Variants in CD109 observed in about 807,000 individuals in gnomAD.
CD109 encodes the protein CD109 molecule, also known as CD109 antigen.
Under a neutral mutation model 165.8 loss-of-function variants are expected in CD109, and 149 were observed. The observed-to-expected ratio is 0.90, with a 90% CI of 0.79 to 1.03. The LOEUF (loss-of-function observed/expected upper bound fraction) is 1.03, where lower values mean the gene tolerates loss of function less well. CD109 is among the 50% of genes least tolerant of loss of function. The pLI is 0.00. For missense variants in CD109, 1,712 were observed against 1,677.8 expected, an observed-to-expected ratio of 1.02 and a Z score of -0.36; for synonymous variants, 585 against 592.1, an observed-to-expected ratio of 0.99 and a Z score of 0.18.
chr6:73,806,726 A>AT (rs1365936424), intron 24 of CD109, 118 bp from the exon 25 acceptor site: 7 of 668,510 alleles, frequency 1.0e-5, no homozygotes, highest in Non-Finnish European at 1.7e-5. Context: ...ATCTTCAGTG[A>AT]TTCCCCCTTT....
chr6:73,785,401 T>A lies in CD109; in HGVS notation c.2261T>A (p.Leu754His). 6.2e-7 allele frequency: 1 copy of A among 1,608,256 alleles called. No individual in the cohort carries two copies. The change falls in exon 20 of 33, where the codon CTT (leucine) becomes CAT (histidine). Residue 754 changes from leucine to histidine, a missense_variant. Leu to His is a moderately conservative substitution (Grantham distance 99, BLOSUM62 -3). Coordinates refer to ENST00000287097, the MANE Select transcript of CD109 (RefSeq NM_133493.5). The part of the protein sequence containing the change: ...AFQPFFIFLN[L>H]PYSVIRGEEF... Reference sequence around the variant, plus strand: ...CAACCATTTTTCATTTTTTTGAATCTTCCCTACTCTGTTATCAGAGGTGAA... The same window carrying A: ...CAACCATTTTTCATTTTTTTGAATCATCCCTACTCTGTTATCAGAGGTGAA...
upstream of CD109, chr6:73,694,940 G>A (rs1770766900): frequency 6.6e-6 from 1 of 152,240 alleles, no homozygotes; most frequent in African/African-American, 2.4e-5. Flanking sequence ...CTGAAGGAAA[G>A]GACATAAGGA....
At chr6:73,807,959 C>A in intron 25 of CD109, 124 bp from the exon 26 acceptor site, 1 of 734,284 alleles carries the variant, frequency 1.4e-6, no homozygotes, top group Admixed American at 3.0e-5. Flanking sequence ...TTGCCTAGTA[C>A]AAGGTCAGGT....
At chr6:73,710,864 C>A (rs1771509517) in intron 2 of CD109, among the ~76,000 whole-genome samples, 2 of 152,184 alleles carry the variant, frequency 1.3e-5, no homozygotes, top group Admixed American at 1.3e-4. Context: ...TCAACTCTGC[C>A]TTTATAGCTC....
intron 5 of CD109, among the ~76,000 whole-genome samples, chr6:73,737,270 A>T (rs1263839376): frequency 6.6e-6 from 1 of 152,176 alleles, no homozygotes; most frequent in Non-Finnish European, 1.5e-5. Context: ...AAATGCATGA[A>T]ATTGTAGCTT....
At chr6:73,798,218 G>A (rs556329505) in intron 23 of CD109, among the ~76,000 whole-genome samples, 11 of 151,692 alleles carry the variant, frequency 7.3e-5, no homozygotes, top group African/African-American at 2.7e-4. Flanking sequence ...AGGTTCAAGC[G>A]ATTCTCCTGC....
In CD109 at chr6:73,806,114, A is replaced by G. The variant is rs577059170; in HGVS notation, c.2961-730A>G. 3.2e-4 allele frequency among the ~76,000 whole-genome samples: 49 copies of G among 152,312 alleles called. No individual in the cohort carries two copies. In the South Asian group the frequency reaches 8.7e-3, roughly 27 times the overall value. On this transcript the variant is annotated intron_variant, in intron 24 of 32. Transcript: ENST00000287097. Reference sequence around the variant, plus strand: ...ATAGCAAAGACTTGGAACCAGCCCAAATGTCCATCAATGATAGACTGGATT... The same window carrying G: ...ATAGCAAAGACTTGGAACCAGCCCAGATGTCCATCAATGATAGACTGGATT...
At chr6:73,807,212 T>C (rs1775598914) in intron 25 of CD109, 140 bp downstream of exon 25, 8 of 650,298 alleles carry the variant, frequency 1.2e-5, no homozygotes, top group Non-Finnish European at 2.1e-5. Context: ...ACTCTTTTGC[T>C]TTGCATTTGT....
intron 2 of CD109, among the ~76,000 whole-genome samples, chr6:73,712,332 C>A (rs866510366): frequency 1.4e-4 from 22 of 152,174 alleles, no homozygotes; most frequent in South Asian, 2.1e-4. Flanking sequence ...AATTTAGTAA[C>A]TTGATAAAGA....
At chr6:73,723,345 A>G in intron 3 of CD109, 66 bp downstream of exon 3, 4 of 1,159,012 alleles carry the variant, frequency 3.5e-6, no homozygotes, top group Non-Finnish European at 5.1e-6. Flanking sequence ...ATAAATTAAT[A>G]TTTTATTGGA....
intron 17 of CD109, 107 bp downstream of exon 17, chr6:73,781,426 AT>A (rs1426248433): frequency 8.4e-6 from 8 of 947,900 alleles, no homozygotes; most frequent in African/African-American, 1.7e-5. Flanking sequence ...TGTGATTTTC[AT>A]TTTTTTGTTC....
At chr6:73,743,109 G>T (rs1361742935) in intron 5 of CD109, among the ~76,000 whole-genome samples, 2 of 152,112 alleles carry the variant, frequency 1.3e-5, no homozygotes, top group East Asian at 3.9e-4. Flanking sequence ...TACCTTTTTA[G>T]GTAATCAGCT....
At chr6:73,710,668 G>A (rs1771496739) in intron 2 of CD109, among the ~76,000 whole-genome samples, 1 of 152,116 alleles carries the variant, frequency 6.6e-6, no homozygotes. Context: ...CAAGCCTGTG[G>A]CATGAGTCCA....
chr6:73,826,163 C>G lies in CD109; in HGVS notation c.*2530C>G, dbSNP rs1308677545. On this transcript the variant is annotated 3_prime_UTR_variant, in exon 33 of 33. Coordinates refer to ENST00000287097, the MANE Select transcript of CD109 (RefSeq NM_133493.5). ...TACTTCCCTTAGAGAACTTGCTCTGCTACAAGCAGTGGGCTTGGACTAAAA... is the reference window on the plus strand; with the variant it reads ...TACTTCCCTTAGAGAACTTGCTCTGGTACAAGCAGTGGGCTTGGACTAAAA... The G allele has an allele frequency of 1.3e-5, 2 of 152,144 alleles. No individual in the cohort carries two copies. Among genetic ancestry groups the G allele is most frequent in the East Asian group, 3.8e-4 (2 of 5,200 alleles). 9.4% of individuals were successfully genotyped at this position (152,144 alleles called of 1,614,324 possible).
At chr6:73,766,525 A>G (rs889884103) in intron 11 of CD109, among the ~76,000 whole-genome samples, 3 of 105,474 alleles carry the variant, frequency 2.8e-5, no homozygotes, top group African/African-American at 1.2e-4. Flanking sequence ...GTATATGTAT[A>G]TGTGTGTGTG....
At chr6:73,764,673 G>A (rs927147193) in intron 10 of CD109, among the ~76,000 whole-genome samples, 14 of 151,886 alleles carry the variant, frequency 9.2e-5, no homozygotes, top group African/African-American at 3.1e-4. Flanking sequence ...AAAATTAGGC[G>A]GGCGTGGTGG....
intron 2 of CD109, 51 bp from the exon 3 acceptor site, chr6:73,723,197 TATC>T: frequency 1.2e-6 from 2 of 1,610,344 alleles, no homozygotes; most frequent in Non-Finnish European, 1.7e-6. Flanking sequence ...GTTTGTATTC[TATC>T]ATCATATTCA....
Position 73,785,347 on chromosome 6 carries a change from C to T in CD109, c.2224-17C>T, listed in dbSNP as rs773109478. 2.0e-5 allele frequency: 27 copies of T among 1,353,828 alleles called. No homozygotes were observed. Among genetic ancestry groups the T allele is most frequent in the East Asian group, 9.3e-5 (4 of 43,174 alleles). The allele number at this position is 1,353,828 out of a possible 1,614,324, so 83.9% of individuals were successfully genotyped here. A position where few individuals can be genotyped will look rare whatever the true frequency, so the allele number is the denominator to read the frequency against. On this transcript the variant is annotated splice_polypyrimidine_tract_variant and intron_variant, in intron 19 of 32. Transcript: ENST00000287097. ...TTTGACCTGAATAAAAATATGTACTCGTTGTGTTCTTTCCAGCTCCAAGCC... is the reference window on the plus strand; with the variant it reads ...TTTGACCTGAATAAAAATATGTACTTGTTGTGTTCTTTCCAGCTCCAAGCC...
At chr6:73,773,128 TAC>T (rs886894394) in intron 15 of CD109, among the ~76,000 whole-genome samples, 1 of 149,270 alleles carries the variant, frequency 6.7e-6, no homozygotes, top group African/African-American at 2.5e-5. Flanking sequence ...TACATACACA[TAC>T]ACACACACCC....
Sources: allele counts gnomAD v4.1 joint callset (sites outside exome capture counted in the v4.1 genomes callset), GRCh38; gene constraint gnomAD v4.1.1; transcripts MANE v1.5; gene names NCBI Gene and HGNC (gene_info 2026-07-23, HGNC 2026-07-21).